The following HDAC9 variants were observed in gnomAD, a reference collection of about 807,000 sequenced individuals.
HDAC9 encodes the protein MEF-2 interacting transcription repressor (MITR) protein.
A neutral mutation model predicts 139.4 loss-of-function variants in HDAC9; 41 were observed. The ratio of observed to expected loss-of-function variants is 0.29; its 90% CI spans 0.23 to 0.38. The LOEUF (loss-of-function observed/expected upper bound fraction) is 0.38, where lower values mean the gene tolerates loss of function less well. Ranked by LOEUF, HDAC9 falls within the 10% of genes least tolerant of loss-of-function variation. The pLI is 1.00. For missense variants in HDAC9, 1,147 were observed against 1,297.0 expected (o/e 0.88, Z 1.78); for synonymous variants, 517 against 476.2 (o/e 1.09, Z -1.12).
At chr7:18,761,872 A>C (rs1052378791) in intron 14 of HDAC9, among the ~76,000 whole-genome samples, 6 of 152,340 alleles carry the variant, frequency 3.9e-5, no homozygotes, top group East Asian at 1.9e-4. Flanking sequence ...GATACTTTAC[A>C]AAAGAGTTAA....
At chr7:18,183,361 C>G (rs180732342) in intron 2 of HDAC9, among the ~76,000 whole-genome samples, 1 of 152,044 alleles carries the variant, frequency 6.6e-6, no homozygotes, top group Admixed American at 6.6e-5. Flanking sequence ...GCAAATGAAC[C>G]AATCCCTCAA....
chr7:18,918,371 T>TA lies in HDAC9; in HGVS notation c.2804-17438_2804-17437insA, dbSNP rs1310936100. ...GGGGAAAGGGGGAAATCCAAGAATG[T>TA]GATGGCACTAGGCCAGGTGAGAAGA... On this transcript the variant is annotated intron_variant, in intron 22 of 25. Transcript: ENST00000686413. 1.1e-3 allele frequency among the ~76,000 whole-genome samples: 165 copies of TA among 151,990 alleles called. 3 individuals carry two copies. Among genetic ancestry groups the TA allele is most frequent in the Non-Finnish European group, 3.1e-4 (21 of 67,932 alleles).
At chr7:18,315,050 T>C (rs1327624420) in intron 1 of HDAC9, among the ~76,000 whole-genome samples, 2 of 152,164 alleles carry the variant, frequency 1.3e-5, no homozygotes, top group African/African-American at 4.8e-5. Context: ...CACACACAGG[T>C]TGTGATCTGA....
chr7:18,474,189 T>C (rs142534068), intron 1 of HDAC9, among the ~76,000 whole-genome samples: 246 of 152,282 alleles, frequency 1.6e-3, no homozygotes, highest in Non-Finnish European at 2.6e-3. Context: ...TAAATTACAT[T>C]TAAAAACAAC....
intron 2 of HDAC9, chr7:18,505,826 A>G (rs1245752358): frequency 6.6e-6 from 1 of 152,188 alleles, no homozygotes; most frequent in Non-Finnish European, 1.5e-5. Context: ...TTGCCTTCCT[A>G]GGGGAAAGAA....
upstream of HDAC9, among the ~76,000 whole-genome samples, chr7:18,286,222 G>A (rs1047849635): frequency 4.6e-5 from 7 of 151,832 alleles, no homozygotes; most frequent in African/African-American, 1.7e-4. Context: ...AATAAGCACC[G>A]TGCATGACCA....
In HDAC9 at chr7:18,666,222, A is replaced by G; in HGVS notation, c.1477A>G (p.Lys493Glu). The G allele has an allele frequency of 1.2e-6, 2 of 1,609,940 alleles. No individual in the cohort carries two copies. Among genetic ancestry groups the G allele is most frequent in the Non-Finnish European group, 1.7e-6 (2 of 1,177,194 alleles). The change falls in exon 12 of 26, where the codon AAA becomes GAA. Residue 493 changes from lysine to glutamate, a missense_variant. Coordinates refer to ENST00000686413, the MANE Select transcript of HDAC9 (RefSeq NM_178425.4). ...GAACACTCTCTTCTAGCTGCTTTCG[A>G]AATCTATTGAACAACTGAAGCAACC... ...QQIHMNKLLS[K>E]SIEQLKQPGS...
chr7:18,372,883 G>T lies in HDAC9; in HGVS notation c.-42+82368G>T, dbSNP rs550117803. ...AAACAGAGGTATTAACCATATAACA[G>T]ATTTCTCTATTCATAACAATGGTTA... On this transcript the variant is annotated intron_variant, in intron 1 of 3. Coordinates refer to the HDAC9 transcript ENST00000413509. Among the ~76,000 whole-genome samples, 4 of 152,288 alleles carry T rather than the reference G, an allele frequency of 2.6e-5. No individual in the cohort carries two copies. The South Asian group carries it at 6.2e-4, about 24-fold the overall frequency.
chr7:18,270,820 C>A (rs138502383), intron 2 of HDAC9, among the ~76,000 whole-genome samples: 2 of 151,976 alleles, frequency 1.3e-5, no homozygotes, highest in Non-Finnish European at 2.9e-5. Context: ...AGAAAACCAG[C>A]CAAGTCTGAG....
At chr7:18,821,084 C>A (rs1346758551) in intron 17 of HDAC9, among the ~76,000 whole-genome samples, 1 of 152,164 alleles carries the variant, frequency 6.6e-6, no homozygotes, top group South Asian at 2.1e-4. Flanking sequence ...CTGCAGCCAC[C>A]TGAGGGGAGG....
chr7:18,924,695 T>A (rs1804058752), intron 22 of HDAC9, among the ~76,000 whole-genome samples: 1 of 152,204 alleles, frequency 6.6e-6, no homozygotes, highest in South Asian at 2.1e-4. Flanking sequence ...TTGTGAAGAA[T>A]ATACACATTG....
intron 22 of HDAC9, among the ~76,000 whole-genome samples, chr7:18,877,383 C>G (rs992095795): frequency 5.9e-5 from 9 of 152,102 alleles, no homozygotes; most frequent in African/African-American, 2.2e-4. Flanking sequence ...AGGAAGTCAT[C>G]CTTTATTGTG....
chr7:18,168,193 C>T (rs1255039789), intron 2 of HDAC9, among the ~76,000 whole-genome samples: 1 of 152,140 alleles, frequency 6.6e-6, no homozygotes, highest in South Asian at 2.1e-4. Context: ...GTCAATTTAT[C>T]TGAAATTATA....
At position 18,475,729 on chromosome 7, in the gene HDAC9, C is replaced by A. The variant is rs530811306; in HGVS notation, c.-41-20533C>A. ...ATGTTTTACCAGAAGCACAAAAGGG[C>A]TTTGTTCACTGCAGGGAAATTTTCT... On this transcript the variant is annotated intron_variant, in intron 1 of 3. Coordinates refer to the HDAC9 transcript ENST00000413509. Among the ~76,000 whole-genome samples, 6 of 152,274 alleles carry A rather than the reference C, an allele frequency of 3.9e-5. No homozygotes were observed. In the East Asian group the frequency reaches 1.2e-3, roughly 29 times the overall value.
At chr7:18,422,744 GCACACACACACACA>G (rs1233787931) in intron 1 of HDAC9, among the ~76,000 whole-genome samples, 1 of 26,238 alleles carries the variant, frequency 3.8e-5, no homozygotes, top group Non-Finnish European at 2.1e-4. Flanking sequence ...ACACACACGC[GCACACACACACACA>G]CACACACACA....
Position 18,233,140 on chromosome 7 carries a change from G to A in HDAC9, c.25+70791G>A, listed in dbSNP as rs117791068. Among the ~76,000 whole-genome samples the A allele has an allele frequency of 3.7e-4, 57 of 152,138 alleles. No individual in the cohort carries two copies. The East Asian group carries it at 0.011, about 28-fold the overall frequency. ...TACATCCTTCTGAACATTTTTAATG[G>A]CAGCTCATAATTGCTGCCCATATAC... On this transcript the variant is annotated intron_variant, in intron 2 of 12. Transcript: ENST00000417496.
chr7:18,592,789 C>A (rs977345684), intron 5 of HDAC9, among the ~76,000 whole-genome samples: 7 of 152,064 alleles, frequency 4.6e-5, no homozygotes, highest in African/African-American at 1.2e-4. Context: ...TTCAAATATT[C>A]AATCAATATC....
chr7:18,450,377 A>G (rs951657460), intron 1 of HDAC9, among the ~76,000 whole-genome samples: 1 of 152,206 alleles, frequency 6.6e-6, no homozygotes, highest in Non-Finnish European at 1.5e-5. Context: ...GATAAGCACC[A>G]TGAATACTGA....
chr7:18,738,666 G>A (rs1230272865), intron 13 of HDAC9, among the ~76,000 whole-genome samples: 2 of 152,136 alleles, frequency 1.3e-5, no homozygotes, highest in African/African-American at 4.8e-5. Flanking sequence ...TGGGTAACCC[G>A]ACCTTTGTGT....
Sources: allele counts gnomAD v4.1 joint callset (sites outside exome capture counted in the v4.1 genomes callset), GRCh38; gene constraint gnomAD v4.1.1; transcripts MANE v1.5; gene names NCBI Gene and HGNC (gene_info 2026-07-23, HGNC 2026-07-21).